CSMD1: variants seen among roughly 807,000 people sequenced by gnomAD.
The protein encoded by CSMD1 is CUB and Sushi multiple domains 1.
CSMD1 carries 213 observed loss-of-function variants against 417.5 expected under a neutral mutation model. The observed-to-expected ratio is 0.51, with a 90% confidence interval of 0.46 to 0.57. CSMD1 has a LOEUF of 0.57. Among genes scored for constraint, CSMD1 ranks in the 20% least tolerant of loss-of-function variants. The pLI, the probability that CSMD1 is intolerant of heterozygous loss-of-function variation, is 0.00. For missense variants in CSMD1, 6,923 were observed against 4,529.7 expected, an observed-to-expected ratio of 1.53 and a Z score of -15.17; for synonymous variants, 2,862 against 1,736.8, an observed-to-expected ratio of 1.65 and a Z score of -16.11.
At chr8:3,651,801 G>T (rs528060114) in intron 7 of CSMD1, among the ~76,000 whole-genome samples, 3 of 144,104 alleles carry the variant, frequency 2.1e-5, no homozygotes, top group Non-Finnish European at 4.6e-5. Context: ...CACCACCATC[G>T]CACTTACCAC....
chr8:3,221,547 A>AACAG lies in CSMD1; in HGVS notation c.4485-2106_4485-2105insCTGT, dbSNP rs1488647407. Among the ~76,000 whole-genome samples, 752 of 151,980 alleles carry AACAG rather than the reference A, an allele frequency of 4.9e-3. 11 individuals are homozygous for AACAG. Among genetic ancestry groups the AACAG allele is most frequent in the African/African-American group, 0.018 (730 of 41,462 alleles). On this transcript the variant is annotated intron_variant, in intron 28 of 69. Coordinates refer to ENST00000635120, the MANE Select transcript of CSMD1 (RefSeq NM_033225.6). ...ACACAGGAAAACAAACAAACAAACA[A>AACAG]ACAAACAAACAAACACTATATATCC...
intron 22 of CSMD1, among the ~76,000 whole-genome samples, chr8:3,346,740 T>C (rs1159433957): frequency 1.3e-5 from 2 of 152,216 alleles, no homozygotes; most frequent in Non-Finnish European, 2.9e-5. Flanking sequence ...TGTTTTCCCT[T>C]TTAGTTGGCT....
At chr8:4,014,054 C>T (rs932935310) in intron 4 of CSMD1, among the ~76,000 whole-genome samples, 1 of 152,080 alleles carries the variant, frequency 6.6e-6, no homozygotes, top group Admixed American at 6.5e-5. Flanking sequence ...TATTGGAAAT[C>T]AAAGGCAATA....
chr8:3,951,394 A>C (rs1342722734), intron 5 of CSMD1, among the ~76,000 whole-genome samples: 2 of 152,202 alleles, frequency 1.3e-5, no homozygotes, highest in Non-Finnish European at 2.9e-5. Flanking sequence ...AATGAATGCA[A>C]AAGGCATTTG....
chr8:3,314,862 A>T (rs1805628900), intron 23 of CSMD1, among the ~76,000 whole-genome samples: 1 of 152,210 alleles, frequency 6.6e-6, no homozygotes, highest in Admixed American at 6.5e-5. Context: ...CCGGCTCCAG[A>T]CTTAATCCAT....
chr8:3,927,187 T>C (rs1431654526), intron 5 of CSMD1, among the ~76,000 whole-genome samples: 1 of 151,996 alleles, frequency 6.6e-6, no homozygotes, highest in East Asian at 1.9e-4. Flanking sequence ...TTATTAGAGA[T>C]ATTATATCTA....
At chr8:3,510,672 G>C (rs555082954) in intron 10 of CSMD1, among the ~76,000 whole-genome samples, 214 of 20,490 alleles carry the variant, frequency 0.01, 6 homozygotes, top group African/African-American at 0.095. Context: ...AAGATATAGA[G>C]GCAGGATTAC....
chr8:3,523,894 C>T (rs972407765), intron 10 of CSMD1, among the ~76,000 whole-genome samples: 4 of 145,380 alleles, frequency 2.8e-5, no homozygotes, highest in African/African-American at 1.1e-4. Flanking sequence ...TGCACAGAGA[C>T]ATATGCACAC....
At chr8:3,874,806 G>T (rs1440569075) in intron 5 of CSMD1, among the ~76,000 whole-genome samples, 5 of 152,084 alleles carry the variant, frequency 3.3e-5, no homozygotes, top group Non-Finnish European at 7.4e-5. Flanking sequence ...CATTAAATAG[G>T]ACACACACCA....
intron 3 of CSMD1, among the ~76,000 whole-genome samples, chr8:4,286,950 C>A (rs947257219): frequency 6.6e-6 from 1 of 152,032 alleles, no homozygotes; most frequent in Non-Finnish European, 1.5e-5. Context: ...AATAACAATT[C>A]CATAGAGGCA....
intron 25 of CSMD1, among the ~76,000 whole-genome samples, chr8:3,302,232 C>A (rs1804469596): frequency 1.3e-5 from 2 of 152,280 alleles, no homozygotes; most frequent in Admixed American, 6.5e-5. Flanking sequence ...GGATCAGCTT[C>A]CACCATTTTA....
chr8:3,088,343 A>G (rs1814688024), intron 48 of CSMD1, among the ~76,000 whole-genome samples: 1 of 152,184 alleles, frequency 6.6e-6, no homozygotes. Flanking sequence ...AAACAATACA[A>G]CAGAGAAGGT....
chr8:3,156,458 T>C (rs1456270048), intron 39 of CSMD1, among the ~76,000 whole-genome samples: 6 of 152,156 alleles, frequency 3.9e-5, no homozygotes, highest in Non-Finnish European at 2.9e-5. Flanking sequence ...CCTTTGGGGA[T>C]TGTAGAAGGG....
intron 3 of CSMD1, among the ~76,000 whole-genome samples, chr8:4,139,038 C>T (rs879632849): frequency 7.2e-5 from 11 of 152,264 alleles, no homozygotes; most frequent in South Asian, 2.1e-4. Flanking sequence ...TGTTTCAGCA[C>T]CTGAGACAGA....
chr8:3,288,823 T>G (rs2117264265), intron 25 of CSMD1, among the ~76,000 whole-genome samples: 1 of 147,380 alleles, frequency 6.8e-6, no homozygotes, highest in South Asian at 2.1e-4. Flanking sequence ...TTGTATTTCT[T>G]TTATTTTATT....
chr8:4,938,168 G>A (rs1807749655), intron 1 of CSMD1, among the ~76,000 whole-genome samples: 1 of 152,102 alleles, frequency 6.6e-6, no homozygotes, highest in Non-Finnish European at 1.5e-5. Context: ...TAGAGTTGGG[G>A]AAATATAGAA....
rs190797716 is a variant in CSMD1 at position 4,007,916 on chromosome 8, C to G, written c.611-9806G>C. On this transcript the variant is annotated intron_variant, in intron 4 of 69. Coordinates refer to ENST00000635120, the MANE Select transcript of CSMD1 (RefSeq NM_033225.6). ...AGAATGAGTGTTAAAAAAAAGTAGT[C>G]TATAAAAACTGCCTCAAGAACTCTT... Among the ~76,000 whole-genome samples, 214 of 152,210 alleles carry G rather than the reference C, an allele frequency of 1.4e-3. No individual in the cohort carries two copies. The Middle Eastern group carries it at 0.017, about 12-fold the overall frequency.
chr8:3,988,523 A>C (rs530066971), intron 5 of CSMD1, among the ~76,000 whole-genome samples: 1 of 152,330 alleles, frequency 6.6e-6, no homozygotes, highest in African/African-American at 2.4e-5. Context: ...GATTGTCAGA[A>C]ACAGAGAATC....
chr8:4,800,728 C>G (rs969648215), intron 1 of CSMD1, among the ~76,000 whole-genome samples: 1 of 152,132 alleles, frequency 6.6e-6, no homozygotes. Flanking sequence ...AGCTGCATTG[C>G]TTAAGGCCTC....
Sources: gnomAD v4.1 joint callset for allele counts (sites outside exome capture counted in the v4.1 genomes callset) on GRCh38, gnomAD v4.1.1 for gene constraint, MANE v1.5 for transcripts, NCBI Gene and HGNC (gene_info 2026-07-23, HGNC 2026-07-21) for gene names.